The following PI4KA variants were observed in gnomAD, a reference collection of about 807,000 sequenced individuals.
PI4KA encodes PI4-kinase alpha.
A neutral mutation model predicts 271.4 loss-of-function variants in PI4KA; 122 were observed. The observed-to-expected ratio is 0.45, with a 90% CI of 0.39 to 0.52. PI4KA has a LOEUF of 0.52. Among genes scored for constraint, PI4KA ranks in the 20% least tolerant of loss-of-function variants. PI4KA has a pLI of 0.00. For synonymous variants in PI4KA, 1,041 were observed against 1,078.8 expected (o/e 0.96, Z 0.69); for missense variants, 1,969 against 2,769.1 (o/e 0.71, Z 6.48).
chr22:20,721,748 T>TGTGCC, intron 42 of PI4KA: 1 of 262,272 alleles, frequency 3.8e-6, no homozygotes. Flanking sequence ...GCAGGCTGGG[T>TGTGCC]ACTAAAAACT....
At position 20,764,878 on chromosome 22, in the gene PI4KA, T is replaced by TG. The variant is rs1279285158; in HGVS notation, c.2646dup (p.Asn883GlnfsTer29). Reference sequence around the variant, plus strand: ...GTGGACATGGCGAAGTCCAGCTTGTTGATGAGTGCGGACACCTCGGGAGGG... The same window carrying TG: ...GTGGACATGGCGAAGTCCAGCTTGTTGGATGAGTGCGGACACCTCGGGAGGG... On this transcript the variant is annotated frameshift_variant, in exon 22 of 55. Coordinates refer to ENST00000255882, the MANE Select transcript of PI4KA (RefSeq NM_058004.4). LOFTEE classifies it high-confidence loss of function. 6.2e-7 allele frequency: 1 copy of TG among 1,613,738 alleles called. No homozygotes were observed. The highest frequency in any genetic ancestry group is 1.7e-5 in the Admixed American group (1 of 59,990).
chr22:20,721,188 G>A (rs1926691589), intron 43 of PI4KA, 110 bp downstream of exon 43: 4 of 1,127,596 alleles, frequency 3.5e-6, no homozygotes, highest in Non-Finnish European at 5.3e-6. Flanking sequence ...GAGTGGAGGG[G>A]TCGGTGAGCT....
At chr22:20,731,928 CAAAAAAT>C (rs1390489220) in intron 36 of PI4KA, among the ~76,000 whole-genome samples, 2 of 97,034 alleles carry the variant, frequency 2.1e-5, no homozygotes, top group Non-Finnish European at 4.1e-5. Context: ...GACTCCGTCT[CAAAAAAT>C]AAAAATAAAA....
At chr22:20,735,461 G>A (rs1331385794) in intron 32 of PI4KA, among the ~76,000 whole-genome samples, 7 of 147,308 alleles carry the variant, frequency 4.8e-5, no homozygotes, top group African/African-American at 7.6e-5. Context: ...GGGTGGCCAC[G>A]TGGCCAGTCA....
intron 44 of PI4KA, among the ~76,000 whole-genome samples, chr22:20,718,075 G>C: frequency 6.6e-6 from 1 of 152,296 alleles, no homozygotes; most frequent in South Asian, 2.1e-4. Context: ...CCCAGGAAAC[G>C]CTAGCTCCCG....
intron 52 of PI4KA, chr22:20,710,489 G>T: frequency 1.6e-6 from 1 of 607,078 alleles, no homozygotes; most frequent in South Asian, 2.0e-5. Context: ...GGGCAGGATC[G>T]TGGGGAAGGT....
At chr22:20,823,172 C>A (rs1469900538) in intron 4 of PI4KA, among the ~76,000 whole-genome samples, 2 of 152,130 alleles carry the variant, frequency 1.3e-5, no homozygotes, top group African/African-American at 4.8e-5. Flanking sequence ...CCTCAGCATC[C>A]CAAAGTGCTA....
intron 42 of PI4KA, among the ~76,000 whole-genome samples, chr22:20,723,932 G>A (rs12158874): frequency 1.3e-5 from 2 of 151,892 alleles, no homozygotes; most frequent in East Asian, 4.0e-4. Context: ...TCTGCCTCCC[G>A]GGTTCATGCC....
chr22:20,764,861 G>A lies in PI4KA; in HGVS notation c.2664C>T (p.Ala888=). Residue 888 remains alanine (A), a synonymous_variant, in exon 22 of 55, where the codon GCC becomes GCT. Coordinates refer to ENST00000255882, the MANE Select transcript of PI4KA (RefSeq NM_058004.4). ...VSALINKLDF[A]MSTYLLSVYR... Reference sequence around the variant, plus strand: ...ACACAGAGAGGAGGTAGGTGGACATGGCGAAGTCCAGCTTGTTGATGAGTG... The same window carrying A: ...ACACAGAGAGGAGGTAGGTGGACATAGCGAAGTCCAGCTTGTTGATGAGTG... 1 of 1,613,674 alleles carries A rather than the reference G, an allele frequency of 6.2e-7. No homozygotes were observed. Among genetic ancestry groups the A allele is most frequent in the Non-Finnish European group, 8.5e-7 (1 of 1,179,774 alleles).
chr22:20,733,235 G>A, intron 35 of PI4KA, 137 bp from the exon 36 acceptor site: 1 of 896,862 alleles, frequency 1.1e-6, no homozygotes, highest in Non-Finnish European at 1.8e-6. Flanking sequence ...CATTAGCAAG[G>A]ATGATCTGGC....
At chr22:20,849,477 T>C (rs754385423) in intron 1 of PI4KA, among the ~76,000 whole-genome samples, 4 of 152,158 alleles carry the variant, frequency 2.6e-5, no homozygotes, top group African/African-American at 4.8e-5. Context: ...TAAAATATGG[T>C]ATATGCATAC....
chr22:20,832,263 T>C (rs967744074), intron 3 of PI4KA, among the ~76,000 whole-genome samples: 3 of 149,450 alleles, frequency 2.0e-5, no homozygotes, highest in African/African-American at 7.4e-5. Flanking sequence ...TTTACAGGCG[T>C]GCGCCACCAC....
At chr22:20,803,091 A>G in intron 13 of PI4KA, 100 bp downstream of exon 13, 1 of 1,244,594 alleles carries the variant, frequency 8.0e-7, no homozygotes, top group Middle Eastern at 1.9e-4. Context: ...AGGTGTGGCG[A>G]AGGAATGCAC....
chr22:20,746,131 C>T (rs904412442), intron 29 of PI4KA, among the ~76,000 whole-genome samples: 1 of 136,566 alleles, frequency 7.3e-6, no homozygotes, highest in African/African-American at 2.8e-5. Flanking sequence ...GGCGGGATCT[C>T]GGCTCACTGC....
chr22:20,745,749 T>C (rs546750342), intron 29 of PI4KA, among the ~76,000 whole-genome samples: 3 of 152,162 alleles, frequency 2.0e-5, no homozygotes, highest in Non-Finnish European at 4.4e-5. Context: ...TGAGCCTCAA[T>C]GTGCTCATCT....
At chr22:20,742,098 G>C in intron 32 of PI4KA, 130 bp downstream of exon 32, 1 of 871,540 alleles carries the variant, frequency 1.1e-6, no homozygotes, top group Non-Finnish European at 1.8e-6. Context: ...AATCTGTAAG[G>C]AGACTGAGGC....
At chr22:20,723,550 G>A (rs185997416) in intron 42 of PI4KA, among the ~76,000 whole-genome samples, 91 of 151,320 alleles carry the variant, frequency 6.0e-4, no homozygotes, top group Non-Finnish European at 1.0e-3. Context: ...ACAAAAATAG[G>A]CTGGGTGTGG....
At chr22:20,710,540 G>A in intron 52 of PI4KA, 159 bp downstream of exon 52, 1 of 672,098 alleles carries the variant, frequency 1.5e-6, no homozygotes, top group Non-Finnish European at 2.6e-6. Context: ...TACTGGCACA[G>A]GTGGGCAGAC....
At chr22:20,741,255 C>T (rs1929409233) in intron 32 of PI4KA, among the ~76,000 whole-genome samples, 1 of 152,168 alleles carries the variant, frequency 6.6e-6, no homozygotes, top group Non-Finnish European at 1.5e-5. Flanking sequence ...TGTGGCCACT[C>T]CAGTTGTCAT....
Sources: gnomAD v4.1 joint callset for allele counts (sites outside exome capture counted in the v4.1 genomes callset) on GRCh38, gnomAD v4.1.1 for gene constraint, MANE v1.5 for transcripts, NCBI Gene and HGNC (gene_info 2026-07-23, HGNC 2026-07-21) for gene names.